MBTPS1: variants seen among roughly 807,000 people sequenced by gnomAD.
MBTPS1 encodes the protein membrane bound transcription factor peptidase, site 1.
Under a neutral mutation model 127.8 loss-of-function variants are expected in MBTPS1, and 94 were observed. That is an observed-to-expected ratio of 0.74 (90% CI 0.62 to 0.87). The LOEUF is 0.87. Among genes scored for constraint, MBTPS1 ranks in the 40% least tolerant of loss-of-function variants. The probability of loss-of-function intolerance (pLI) is 0.00; values close to 1 mark genes in which losing one functional copy is unlikely to be tolerated. For synonymous variants in MBTPS1, 632 were observed against 509.4 expected (o/e 1.24, Z -3.24); for missense variants, 1,636 against 1,353.2 (o/e 1.21, Z -3.28).
At chr16:84,098,316 C>T (rs902068927) in intron 3 of MBTPS1, among the ~76,000 whole-genome samples, 1 of 152,134 alleles carries the variant, frequency 6.6e-6, no homozygotes, top group Non-Finnish European at 1.5e-5. Flanking sequence ...TGCAAGAGTG[C>T]CTTTAAAAAT....
chr16:84,087,233 T>C, intron 9 of MBTPS1, 125 bp downstream of exon 9: 1 of 711,422 alleles, frequency 1.4e-6, no homozygotes, highest in Non-Finnish European at 2.4e-6. Context: ...GCCCCGGCTA[T>C]TCCCATGTGA....
At chr16:84,060,553 A>G (rs961289561) in intron 20 of MBTPS1, 129 bp downstream of exon 20, 2 of 1,071,980 alleles carry the variant, frequency 1.9e-6, no homozygotes, top group East Asian at 2.5e-5. Context: ...ACCCGCAGCC[A>G]TTACGAAAAC....
chr16:84,110,177 A>T (rs2086379603), intron 1 of MBTPS1, among the ~76,000 whole-genome samples: 2 of 152,230 alleles, frequency 1.3e-5, no homozygotes, highest in East Asian at 1.9e-4. Context: ...CAGACCACAC[A>T]CGTCAGACAG....
chr16:84,079,782 C>T (rs1353169045), intron 11 of MBTPS1, among the ~76,000 whole-genome samples: 1 of 152,126 alleles, frequency 6.6e-6, no homozygotes, highest in African/African-American at 2.4e-5. Context: ...CTGGCTGGAA[C>T]CTGGAGGTGG....
intron 11 of MBTPS1, among the ~76,000 whole-genome samples, chr16:84,080,252 T>C (rs2085920888): frequency 6.6e-6 from 1 of 152,214 alleles, no homozygotes; most frequent in African/African-American, 2.4e-5. Context: ...AAAGGACAGC[T>C]CTTCCTTCCA....
intron 11 of MBTPS1, among the ~76,000 whole-genome samples, chr16:84,080,582 G>A (rs2085926012): frequency 1.3e-5 from 2 of 152,236 alleles, no homozygotes; most frequent in African/African-American, 4.8e-5. Flanking sequence ...TCACACGTCT[G>A]TGCCAAGGCC....
At chr16:84,090,591 G>C (rs904439165) in intron 8 of MBTPS1, among the ~76,000 whole-genome samples, 1 of 152,138 alleles carries the variant, frequency 6.6e-6, no homozygotes, top group African/African-American at 2.4e-5. Context: ...AAAGTAGTTA[G>C]AATAAAAACT....
At chr16:84,071,436 G>GT (rs1265420512) in intron 12 of MBTPS1, among the ~76,000 whole-genome samples, 4 of 152,202 alleles carry the variant, frequency 2.6e-5, no homozygotes, top group African/African-American at 9.7e-5. Flanking sequence ...AAGTAAGCCA[G>GT]TGGGTTAAGA....
At position 84,099,369 on chromosome 16, in the gene MBTPS1, T is replaced by C. The variant is rs2086223610; in HGVS notation, c.164-59A>G. ...TACGCACATACATTATAACATATAC[T>C]ATATTGTATCTAATCTAAAATCTGG... On this transcript the variant is annotated intron_variant, in intron 2 of 22. Coordinates refer to ENST00000343411, the MANE Select transcript of MBTPS1 (RefSeq NM_003791.4). 4.6e-6 allele frequency: 7 copies of C among 1,521,998 alleles called. No individual in the cohort carries two copies. In the South Asian group the frequency reaches 7.4e-5, roughly 16 times the overall value. The allele number at this position is 1,521,998 out of a possible 1,614,324, so 94.3% of individuals were successfully genotyped here.
At chr16:84,079,956 T>C (rs1329674464) in intron 11 of MBTPS1, among the ~76,000 whole-genome samples, 1 of 152,170 alleles carries the variant, frequency 6.6e-6, no homozygotes, top group East Asian at 1.9e-4. Context: ...TTGATTTCTT[T>C]AGAAGAGGCC....
chr16:84,056,117 C>A lies in MBTPS1; in HGVS notation c.2850G>T (p.Gln950His). ...ETAPSNLWKH[Q>H]KLLSIDLDKV... The stretch of plus-strand genomic sequence containing the variant: ...TGTCCAGGTCAATGGAGAGTAGCTT[C>A]TGATGTTTCCAAAGGTTACTTCAGG... Residue 950 changes from glutamine (Q) to histidine (H), a missense_variant, in exon 22 of 23, where the codon CAG becomes CAT. Transcript: ENST00000343411. 1 of 1,614,028 alleles carries A rather than the reference C, an allele frequency of 6.2e-7. No individual in the cohort carries two copies. The highest frequency in any genetic ancestry group is 1.7e-5 in the Admixed American group (1 of 60,018).
At chr16:84,069,307 G>A (rs374286864) in intron 14 of MBTPS1, among the ~76,000 whole-genome samples, 2 of 152,354 alleles carry the variant, frequency 1.3e-5, no homozygotes, top group Middle Eastern at 3.4e-3. Flanking sequence ...TGGGGACTGC[G>A]GGGGAAGCAG....
At chr16:84,107,587 T>C (rs1042211711) in intron 1 of MBTPS1, among the ~76,000 whole-genome samples, 1 of 152,064 alleles carries the variant, frequency 6.6e-6, no homozygotes, top group African/African-American at 2.4e-5. Context: ...GGTTTCAAAA[T>C]ATAAATTTCC....
chr16:84,077,369 A>G (rs1463459631), intron 11 of MBTPS1, among the ~76,000 whole-genome samples: 1 of 152,204 alleles, frequency 6.6e-6, no homozygotes, highest in Non-Finnish European at 1.5e-5. Flanking sequence ...CTTTATAATC[A>G]AAACAGTGTG....
At chr16:84,094,085 C>T (rs2086147464) in intron 4 of MBTPS1, among the ~76,000 whole-genome samples, 1 of 152,084 alleles carries the variant, frequency 6.6e-6, no homozygotes, top group South Asian at 2.1e-4. Context: ...CTAGACCCTC[C>T]TCAATTGCCA....
intron 1 of MBTPS1, among the ~76,000 whole-genome samples, chr16:84,114,126 G>A (rs907459440): frequency 1.7e-4 from 12 of 69,358 alleles, no homozygotes; most frequent in African/African-American, 5.2e-4. Flanking sequence ...CACCACGCCC[G>A]GCTAATTTTT....
chr16:84,076,654 A>G (rs2085858316), intron 11 of MBTPS1, among the ~76,000 whole-genome samples: 2 of 152,256 alleles, frequency 1.3e-5, no homozygotes, highest in Non-Finnish European at 2.9e-5. Context: ...CAAGAAGAGA[A>G]AGCCCCATCT....
chr16:84,068,591 C>A (rs944920429), intron 14 of MBTPS1, 137 bp from the exon 15 acceptor site: 4 of 646,260 alleles, frequency 6.2e-6, no homozygotes, highest in Non-Finnish European at 8.4e-6. Flanking sequence ...CCCACTGGCA[C>A]AGGCATCAGC....
chr16:84,099,700 C>G (rs941224946), intron 2 of MBTPS1, among the ~76,000 whole-genome samples: 1 of 151,324 alleles, frequency 6.6e-6, no homozygotes, highest in African/African-American at 2.4e-5. Context: ...TCACTTGAAC[C>G]TGGGAGGCGG....
Sources: allele counts gnomAD v4.1 joint callset (sites outside exome capture counted in the v4.1 genomes callset), GRCh38; gene constraint gnomAD v4.1.1; transcripts MANE v1.5; gene names NCBI Gene and HGNC (gene_info 2026-07-23, HGNC 2026-07-21).